The following SLC15A1 variants were observed in gnomAD, a reference collection of about 807,000 sequenced individuals.
SLC15A1 encodes Caco-2 oligopeptide transporter.
In SLC15A1, 83 loss-of-function variants were observed where a neutral mutation model predicts 92.9. That is an observed-to-expected ratio of 0.89 (90% CI 0.75 to 1.07). The LOEUF (loss-of-function observed/expected upper bound fraction) is 1.07. Ranked by LOEUF, SLC15A1 falls within the 50% of genes least tolerant of loss-of-function variation. The pLI, the probability that SLC15A1 is intolerant of heterozygous loss-of-function variation, is 0.00. For synonymous variants in SLC15A1, 322 were observed against 318.2 expected (o/e 1.01, Z -0.13); for missense variants, 857 against 880.1 (o/e 0.97, Z 0.33).
intron 8 of SLC15A1, 86 bp downstream of exon 8, chr13:98,719,151 A>G (rs2088234144): frequency 4.5e-6 from 4 of 891,312 alleles, no homozygotes; most frequent in South Asian, 3.1e-5. Flanking sequence ...CACTTGTTAC[A>G]TGCACTTTAA....
At chr13:98,688,833 A>C (rs1171171518) in intron 18 of SLC15A1, among the ~76,000 whole-genome samples, 1 of 152,216 alleles carries the variant, frequency 6.6e-6, no homozygotes, top group African/African-American at 2.4e-5. Flanking sequence ...TACTTTGTAA[A>C]TCTAACCTAG....
intron 20 of SLC15A1, among the ~76,000 whole-genome samples, chr13:98,687,930 G>C (rs1354095832): frequency 6.6e-6 from 1 of 152,226 alleles, no homozygotes; most frequent in African/African-American, 2.4e-5. Flanking sequence ...TTAGATAAGA[G>C]AGTAGGTTGG....
intron 1 of SLC15A1, among the ~76,000 whole-genome samples, chr13:98,731,906 ATT>A (rs2088353405): frequency 6.6e-6 from 1 of 152,196 alleles, no homozygotes; most frequent in Non-Finnish European, 1.5e-5. Flanking sequence ...GTACCCAGCC[ATT>A]ACCAAGAAGG....
intron 1 of SLC15A1, among the ~76,000 whole-genome samples, chr13:98,741,834 C>T (rs1228243414): frequency 1.3e-5 from 2 of 151,790 alleles, no homozygotes; most frequent in Non-Finnish European, 1.5e-5. Context: ...AAACACAGAA[C>T]ATGCTGATGT....
chr13:98,709,945 G>A (rs745443669), intron 11 of SLC15A1, 34 bp from the exon 12 acceptor site: 20 of 1,610,948 alleles, frequency 1.2e-5, no homozygotes, highest in Non-Finnish European at 1.4e-5. Flanking sequence ...TATTATTTGG[G>A]GATGTGGGTT....
chr13:98,720,601 C>T (rs1348593991), intron 7 of SLC15A1: 1 of 159,072 alleles, frequency 6.3e-6, no homozygotes, highest in African/African-American at 2.4e-5. Context: ...AGTTTGTCAC[C>T]AGTAACACCA....
intron 22 of SLC15A1, among the ~76,000 whole-genome samples, chr13:98,685,360 T>A (rs1177428018): frequency 6.6e-6 from 1 of 152,218 alleles, no homozygotes; most frequent in Non-Finnish European, 1.5e-5. Flanking sequence ...GCACATCTGC[T>A]GCTGGGACCT....
At position 98,717,439 on chromosome 13, in the gene SLC15A1, T is replaced by G. The variant is rs1374524560; in HGVS notation, c.641-1479A>C. On this transcript the variant is annotated intron_variant, in intron 8 of 22. Coordinates refer to ENST00000376503, the MANE Select transcript of SLC15A1 (RefSeq NM_005073.4). ...CAGTGTTGACACATCGGATTTGGCC[T>G]GTTCTCAATTCCTCCAGAAGAAAAA... is the stretch of plus-strand genomic sequence containing the variant. Among the ~76,000 whole-genome samples, 4 of 152,234 alleles carry G rather than the reference T, an allele frequency of 2.6e-5. No homozygotes were observed. The East Asian group carries it at 7.7e-4, about 29-fold the overall frequency.
intron 8 of SLC15A1, among the ~76,000 whole-genome samples, chr13:98,716,342 C>T (rs1344419643): frequency 6.6e-6 from 1 of 152,162 alleles, no homozygotes; most frequent in Non-Finnish European, 1.5e-5. Context: ...ATAAATGGGG[C>T]CAGGCGCGGT....
chr13:98,695,885 C>A (rs889752645), intron 18 of SLC15A1, among the ~76,000 whole-genome samples: 13 of 151,678 alleles, frequency 8.6e-5, no homozygotes, highest in African/African-American at 1.5e-4. Context: ...TGTTCTATTT[C>A]TCTGTTATTT....
At position 98,709,627 on chromosome 13, in the gene SLC15A1, G is replaced by A. The variant is rs772787952; in HGVS notation, c.1012C>T (p.Pro338Ser). The change falls in exon 14 of 23, where the codon CCG (proline) becomes TCG (serine). Residue 338 changes from proline (P) to serine (S), a missense_variant. Pro to Ser is a moderately conservative substitution (Grantham distance 74). Transcript: ENST00000376503. ...GGGTACAGCACAGCATCGAAGATCGGGACCATGATCACGATCAGGATGGCG... is the reference window on the plus strand; with the variant it reads ...GGGTACAGCACAGCATCGAAGATCGAGACCATGATCACGATCAGGATGGCG... ...VNAILIVIMV[P>S]IFDAVLYPLI... 1.2e-6 allele frequency: 2 copies of A among 1,614,022 alleles called. No individual in the cohort carries two copies. Among genetic ancestry groups the A allele is most frequent in the East Asian group, 2.2e-5 (1 of 44,888 alleles).
At chr13:98,701,042 A>G (rs962020080) in intron 18 of SLC15A1, among the ~76,000 whole-genome samples, 5 of 152,224 alleles carry the variant, frequency 3.3e-5, no homozygotes, top group African/African-American at 1.2e-4. Flanking sequence ...ACATTTTAGA[A>G]GCAGCTTTTT....
intron 20 of SLC15A1, 40 bp downstream of exon 20, chr13:98,688,208 T>C (rs2087946178): frequency 7.6e-7 from 1 of 1,318,246 alleles, no homozygotes; most frequent in African/African-American, 1.5e-5. Context: ...ATCAATCGAG[T>C]ATGAGCAGAT....
At chr13:98,733,377 T>G (rs1200242969) in intron 1 of SLC15A1, among the ~76,000 whole-genome samples, 2 of 152,238 alleles carry the variant, frequency 1.3e-5, no homozygotes, top group Non-Finnish European at 2.9e-5. Flanking sequence ...CTGCCACATT[T>G]TATTTGTTGG....
In SLC15A1 at chr13:98,712,081, C is replaced by T. The variant is rs532422331; in HGVS notation, c.811-138G>A. ...AAGCTGGGAGGTGATTAATCCAAAA[C>T]ATACTGCCGCAGTTTTCTTTAGAAA... On this transcript the variant is annotated intron_variant, in intron 10 of 22. Transcript: ENST00000376503. 2.5e-5 allele frequency: 16 copies of T among 634,990 alleles called. No homozygotes were observed. In the East Asian group the frequency reaches 3.3e-4, roughly 13 times the overall value. The allele number at this position is 634,990 out of a possible 1,614,324, so 39.3% of individuals were successfully genotyped here.
chr13:98,727,232 T>C (rs924042812), intron 1 of SLC15A1, among the ~76,000 whole-genome samples: 18 of 152,214 alleles, frequency 1.2e-4, no homozygotes, highest in Non-Finnish European at 2.2e-4. Flanking sequence ...GAAATTTCTG[T>C]AATATAAAAT....
chr13:98,749,690 A>C (rs1031838383), intron 1 of SLC15A1, among the ~76,000 whole-genome samples: 2 of 152,212 alleles, frequency 1.3e-5, no homozygotes, highest in Non-Finnish European at 1.5e-5. Context: ...CCAGGCTCTG[A>C]GAACCACACA....
intron 1 of SLC15A1, among the ~76,000 whole-genome samples, chr13:98,727,975 G>T (rs1566455239): frequency 1.3e-5 from 2 of 152,138 alleles, no homozygotes; most frequent in East Asian, 3.9e-4. Context: ...AGATGGCTGG[G>T]CCCCATTCCT....
intron 1 of SLC15A1, among the ~76,000 whole-genome samples, chr13:98,740,088 C>T (rs780652685): frequency 6.6e-6 from 1 of 152,196 alleles, no homozygotes; most frequent in Non-Finnish European, 1.5e-5. Context: ...CAGAGCAAAG[C>T]GGTCTTCTCA....
Sources: gnomAD v4.1 joint callset for allele counts (sites outside exome capture counted in the v4.1 genomes callset) on GRCh38, gnomAD v4.1.1 for gene constraint, MANE v1.5 for transcripts, NCBI Gene and HGNC (gene_info 2026-07-23, HGNC 2026-07-21) for gene names.